The following PHC1 variants were observed in gnomAD, a reference collection of about 807,000 sequenced individuals.
PHC1 encodes the protein polyhomeotic homolog 1, also known as polyhomeotic-like protein 1.
In PHC1, 12 loss-of-function variants were observed where a neutral mutation model predicts 104.3. The ratio of observed to expected loss-of-function variants is 0.12; its 90% CI spans 0.07 to 0.19. The LOEUF (loss-of-function observed/expected upper bound fraction) is 0.19. Among genes scored for constraint, PHC1 ranks in the 10% least tolerant of loss-of-function variants. The pLI is 1.00. For synonymous variants in PHC1, 302 were observed against 455.8 expected (o/e 0.66, Z 4.30); for missense variants, 671 against 1,200.0 (o/e 0.56, Z 6.51).
At chr12:8,917,573 T>G (rs2137053056) in intron 1 of PHC1, 57 bp from the exon 2 acceptor site, 180 of 507,750 alleles carry the variant, frequency 3.5e-4, no homozygotes, top group East Asian at 6.5e-4. Flanking sequence ...AATAATAACA[T>G]GAGATAACAG....
chr12:8,921,206 A>G, intron 4 of PHC1, 141 bp downstream of exon 4: 2 of 633,866 alleles, frequency 3.2e-6, no homozygotes, highest in South Asian at 4.1e-5. Context: ...ATAGTAGTAC[A>G]AGGGGAAAGT....
At chr12:8,920,457 C>T (rs1346334485) in intron 3 of PHC1, among the ~76,000 whole-genome samples, 1 of 151,760 alleles carries the variant, frequency 6.6e-6, no homozygotes, top group Non-Finnish European at 1.5e-5. Flanking sequence ...CCTGTAATGC[C>T]AGCACTTTGG....
chr12:8,930,257 A>G (rs577149392), intron 6 of PHC1, among the ~76,000 whole-genome samples, 178 bp from the exon 7 acceptor site: 96 of 152,358 alleles, frequency 6.3e-4, no homozygotes, highest in South Asian at 1.4e-3. Context: ...AGAATCAGAT[A>G]CAGAGCCAGA....
chr12:8,919,431 T>TA lies in PHC1; in HGVS notation c.115-317dup, dbSNP rs1275415425. Among the ~76,000 whole-genome samples, 11 of 151,890 alleles carry TA rather than the reference T, an allele frequency of 7.2e-5. No homozygotes were observed. Among genetic ancestry groups the TA allele is most frequent in the Admixed American group, 1.3e-4 (2 of 15,228 alleles). Reference sequence around the variant, plus strand: ...CATAGCAAGACCCCATCTCTAAAAATAAAAAAAATTAGCTGGACATGGTGG... The same window carrying TA: ...CATAGCAAGACCCCATCTCTAAAAATAAAAAAAAATTAGCTGGACATGGTGG... On this transcript the variant is annotated intron_variant, in intron 2 of 14. Transcript: ENST00000544916. The surrounding 1 kb of genome is among the most constrained non-coding windows in gnomAD (Gnocchi z 4.9).
Position 8,934,006 on chromosome 12 carries a change from C to G in PHC1, c.2035C>G (p.Leu679Val). ...SPKVMDEKSSLGEKAESVANV... is the reference protein window; with the variant it reads ...SPKVMDEKSSVGEKAESVANV... ...AAAAGTCATGGACGAGAAGAGCAGT[C>G]TTGGAGGTGAGTAACTGACTTCTAA... The change falls in exon 9 of 15, where the codon CTT becomes GTT. Residue 679 changes from leucine (L) to valine (V), a missense_variant. Transcript: ENST00000544916. 1 of 1,614,054 alleles carries G rather than the reference C, an allele frequency of 6.2e-7. No individual in the cohort carries two copies. The highest frequency in any genetic ancestry group is 8.5e-7 in the Non-Finnish European group (1 of 1,179,924).
At position 8,920,225 on chromosome 12, in the gene PHC1, A is replaced by T. The variant is rs182415498; in HGVS notation, c.225+359A>T. Reference sequence around the variant, plus strand: ...AAAAAAGGTAAAATATCAGTAATTTAAAAATATTAATTACATGTGAAGTGA... The same window carrying T: ...AAAAAAGGTAAAATATCAGTAATTTTAAAATATTAATTACATGTGAAGTGA... On this transcript the variant is annotated intron_variant, in intron 3 of 14. Transcript: ENST00000544916. Among the ~76,000 whole-genome samples, 20 of 152,370 alleles carry T rather than the reference A, an allele frequency of 1.3e-4. No homozygotes were observed. In the East Asian group the frequency reaches 3.1e-3, roughly 23 times the overall value.
At chr12:8,936,166 A>G (rs1261421767) in intron 11 of PHC1, among the ~76,000 whole-genome samples, 1 of 152,176 alleles carries the variant, frequency 6.6e-6, no homozygotes, top group Non-Finnish European at 1.5e-5. Context: ...GGATTTCTTG[A>G]GCTCAGGAGT....
chr12:8,928,846 G>A (rs748590446), intron 6 of PHC1, among the ~76,000 whole-genome samples: 138 of 152,260 alleles, frequency 9.1e-4, no homozygotes, highest in Middle Eastern at 3.4e-3. Context: ...CGATCCATTT[G>A]TTTTGTTGCA....
chr12:8,933,894 C>G lies in PHC1; in HGVS notation c.1923C>G (p.Arg641=), dbSNP rs1469174563. The G allele has an allele frequency of 6.2e-7, 1 of 1,613,438 alleles. No homozygotes were observed. The highest frequency in any genetic ancestry group is 2.2e-5 in the East Asian group (1 of 44,888). Residue 641 remains arginine, a synonymous_variant, in exon 9 of 15, where the codon CGC becomes CGG. Transcript: ENST00000544916. The part of the protein sequence containing the change: ...PGKPQTLAVK[R]KADSEEERDD... The stretch of plus-strand genomic sequence containing the variant: ...AACCCCAGACATTGGCTGTCAAACG[C>G]AAGGCTGACTCTGAGGAGGAGAGAG...
At chr12:8,935,315 AGT>A in intron 11 of PHC1, 77 bp downstream of exon 11, 1 of 573,594 alleles carries the variant, frequency 1.7e-6, no homozygotes, top group South Asian at 2.2e-5. Context: ...GTAAAATAGT[AGT>A]TACCTATTTA....
chr12:8,919,967 C>T lies in PHC1; in HGVS notation c.225+101C>T, dbSNP rs763930887. The T allele has an allele frequency of 6.0e-6, 9 of 1,510,150 alleles. No homozygotes were observed. The East Asian group carries it at 2.0e-4, about 33-fold the overall frequency. The allele number at this position is 1,510,150 out of a possible 1,614,324, so 93.5% of individuals were successfully genotyped here. A position where few individuals can be genotyped will look rare whatever the true frequency, so the allele number is the denominator to read the frequency against. ...ATATAGCATCCTATACTAAGCCAGG[C>T]TGCAGACAGCCTCCTCCGCCTCCTG... On this transcript the variant is annotated intron_variant, in intron 3 of 14. Transcript: ENST00000544916. This position sits in a 1 kb window ranked among gnomAD's most constrained non-coding sequence, Gnocchi z 4.9.
chr12:8,924,700 T>A (rs1166890478), intron 6 of PHC1, among the ~76,000 whole-genome samples: 2 of 151,980 alleles, frequency 1.3e-5, no homozygotes, highest in African/African-American at 4.8e-5. Context: ...GCGTTGGAGA[T>A]GAGGGGATAA....
chr12:8,931,773 C>T (rs1945692395), intron 7 of PHC1, among the ~76,000 whole-genome samples: 1 of 152,064 alleles, frequency 6.6e-6, no homozygotes, highest in Non-Finnish European at 1.5e-5. Context: ...TTGATTTTTG[C>T]CTTTTTTTGT....
rs1265627463 is a variant in PHC1 at position 8,930,679 on chromosome 12, A to C, written c.857A>C (p.Gln286Pro). 2 of 1,365,442 alleles carry C rather than the reference A, an allele frequency of 1.5e-6. No individual in the cohort carries two copies. The highest frequency in any genetic ancestry group is 2.8e-5 in the African/African-American group (2 of 70,558). The allele number at this position is 1,365,442 out of a possible 1,614,324, so 84.6% of individuals were successfully genotyped here. The change falls in exon 7 of 15, where the codon CAG (glutamine) becomes CCG (proline). Residue 286 changes from glutamine to proline, a missense_variant. By Grantham distance (76) the Gln-to-Pro change is moderately conservative (BLOSUM62 -1). Transcript: ENST00000544916. ...TCCATGGGTCCAGGTGGAGGTGGGC[A>C]GGCACATGGTGGTTTGGGTCAGTTG... ...PGSMGPGGGGQAHGGLGQLPS... is the reference protein window; with the variant it reads ...PGSMGPGGGGPAHGGLGQLPS...
intron 6 of PHC1, among the ~76,000 whole-genome samples, chr12:8,925,734 T>G (rs893474509): frequency 3.9e-5 from 6 of 152,192 alleles, no homozygotes; most frequent in South Asian, 2.1e-4. Context: ...TTTAGGATTT[T>G]GGGCTTTTTA....
At chr12:8,914,094 TGTCTGTTG>T (rs1945123942), upstream of PHC1, 1 of 152,860 alleles carries the variant, frequency 6.5e-6, no homozygotes, top group Middle Eastern at 3.4e-3. Context: ...TCTCCCTCTC[TGTCTGTTG>T]GTCCCTTTGA....
chr12:8,928,669 T>G (rs867756539), intron 6 of PHC1, among the ~76,000 whole-genome samples: 2 of 152,198 alleles, frequency 1.3e-5, no homozygotes, highest in Admixed American at 1.3e-4. Flanking sequence ...ACCATCCAGC[T>G]TCAACAATTA....
rs376482322 is a variant in PHC1, at chr12:8,934,036, G to A, written c.2041+24G>A. On this transcript the variant is annotated intron_variant, in intron 9 of 14. Coordinates refer to ENST00000544916, the MANE Select transcript of PHC1 (RefSeq NM_004426.3). The stretch of plus-strand genomic sequence containing the variant: ...AGGTGAGTAACTGACTTCTAATGCT[G>A]TTGGAGAGCACACAGAGTAGAGGAA... 8.1e-6 allele frequency: 13 copies of A among 1,612,382 alleles called. No homozygotes were observed. In the African/African-American group the frequency reaches 1.3e-4, roughly 17 times the overall value.
chr12:8,920,499 G>A (rs1945330697), intron 3 of PHC1, among the ~76,000 whole-genome samples: 1 of 152,232 alleles, frequency 6.6e-6, no homozygotes, highest in Admixed American at 6.5e-5. Flanking sequence ...CTTGAGGTCA[G>A]GAGTTCAAGA....
Sources: gnomAD v4.1 joint callset for allele counts (sites outside exome capture counted in the v4.1 genomes callset) on GRCh38, gnomAD v4.1.1 for gene constraint, Gnocchi (gnomAD v3.1) non-coding constraint, MANE v1.5 for transcripts, NCBI Gene and HGNC (gene_info 2026-07-23, HGNC 2026-07-21) for gene names.